The following MAP3K4 variants were observed in gnomAD, a reference collection of about 807,000 sequenced individuals.
MAP3K4 encodes the protein MAP three kinase 1.
A neutral mutation model predicts 185.6 loss-of-function variants in MAP3K4; 67 were observed. The ratio of observed to expected loss-of-function variants is 0.36; its 90% CI spans 0.30 to 0.44. The LOEUF is 0.44. Ranked by LOEUF, MAP3K4 falls within the 20% of genes least tolerant of loss-of-function variation. MAP3K4 has a pLI of 1.00. For synonymous variants in MAP3K4, 702 were observed against 710.4 expected (o/e 0.99, Z 0.19); for missense variants, 1,551 against 1,995.1 (o/e 0.78, Z 4.24).
intron 1 of MAP3K4, among the ~76,000 whole-genome samples, chr6:161,019,620 G>A (rs879134306): frequency 1.3e-5 from 2 of 152,128 alleles, no homozygotes; most frequent in Non-Finnish European, 2.9e-5. Flanking sequence ...TGTTGGCTTG[G>A]CCGGTCTTGA....
chr6:161,039,279 C>CAAAAAAAAAAAAAAA, intron 2 of MAP3K4, among the ~76,000 whole-genome samples: 1 of 71,972 alleles, frequency 1.4e-5, no homozygotes, highest in East Asian at 3.7e-4. Context: ...CGCAAAAATG[C>CAAAAAAAAAAAAAAA]AAAAAAAAAA....
rs1778063049 is a variant in MAP3K4, at chr6:161,106,201, A to G, written c.3857-313A>G. Among the ~76,000 whole-genome samples, 2 of 152,158 alleles carry G rather than the reference A, an allele frequency of 1.3e-5. No homozygotes were observed. The highest frequency in any genetic ancestry group is 4.1e-4 in the South Asian group (2 of 4,832). On this transcript the variant is annotated intron_variant, in intron 19 of 26. Coordinates refer to ENST00000392142, the MANE Select transcript of MAP3K4 (RefSeq NM_005922.4). The surrounding 1 kb of genome is among the most constrained non-coding windows in gnomAD (Gnocchi z 4.9). ...TTTATGTTTTAATAATATGGCAAAC[A>G]AGAGTGTGGAATGGAGAGAGGAGAA...
At position 161,034,413 on chromosome 6, in the gene MAP3K4, A is replaced by C. The variant is rs1350144855; in HGVS notation, c.307A>C (p.Asn103His). 15 of 1,613,820 alleles carry C rather than the reference A, an allele frequency of 9.3e-6. No homozygotes were observed. In the Admixed American group the frequency reaches 2.3e-4, roughly 25 times the overall value. The change falls in exon 2 of 27, where the codon AAT becomes CAT. Residue 103 changes from asparagine to histidine, a missense_variant. Physicochemically the swap from Asn to His is moderately conservative, Grantham distance 68. Transcript: ENST00000392142. The surrounding 1 kb of genome is among the most constrained non-coding windows in gnomAD (Gnocchi z 4.4). Reference sequence around the variant, plus strand: ...CATGTCAACCAAACATCAGAGGAATAATGTGGGGAGGCCAGCCAGTCGGTC... The same window carrying C: ...CATGTCAACCAAACATCAGAGGAATCATGTGGGGAGGCCAGCCAGTCGGTC... ...KRMSTKHQRN[N>H]VGRPASRSNL...
chr6:161,045,192 T>C (rs774006821), intron 2 of MAP3K4, among the ~76,000 whole-genome samples: 1 of 152,104 alleles, frequency 6.6e-6, no homozygotes, highest in Non-Finnish European at 1.5e-5. Context: ...TTTGTGTATA[T>C]TTTTCCAAAA....
rs1463423031 is a variant in MAP3K4 at position 161,034,467 on chromosome 6, AAAG to A, written c.343+20_343+22del. 1.2e-6 allele frequency: 2 copies of A among 1,606,868 alleles called. No homozygotes were observed. Among genetic ancestry groups the A allele is most frequent in the Admixed American group, 3.3e-5 (2 of 59,892 alleles). On this transcript the variant is annotated intron_variant, in intron 2 of 26. Coordinates refer to ENST00000392142, the MANE Select transcript of MAP3K4 (RefSeq NM_005922.4). The surrounding 1 kb of genome is among the most constrained non-coding windows in gnomAD (Gnocchi z 4.4). ...TTTGAAAGGTGAGTCTTGTACTTGA[AAAG>A]AGGTGTACATGAGAGGGTATGGCAC...
chr6:161,039,279 C>CAAAAAAAAAA (rs3050259), intron 2 of MAP3K4, among the ~76,000 whole-genome samples: 86 of 71,700 alleles, frequency 1.2e-3, no homozygotes, highest in East Asian at 2.2e-3. Context: ...CGCAAAAATG[C>CAAAAAAAAAA]AAAAAAAAAA....
chr6:161,084,427 T>C lies in MAP3K4; in HGVS notation c.2256-74T>C, dbSNP rs137906465. On this transcript the variant is annotated intron_variant, in intron 6 of 26. Transcript: ENST00000392142. This position sits in a 1 kb window ranked among gnomAD's most constrained non-coding sequence, Gnocchi z 4.6. ...TAGAGCAGTAGCTGAGCCTTTCAAGTTTCTCAGTCAAGAATTAGGCTATGA... is the reference window on the plus strand; with the variant it reads ...TAGAGCAGTAGCTGAGCCTTTCAAGCTTCTCAGTCAAGAATTAGGCTATGA... 1,121 of 759,598 alleles carry C rather than the reference T, an allele frequency of 1.5e-3. 11 individuals carry two copies. The African/African-American group carries it at 0.017, about 12-fold the overall frequency. The allele number at this position is 759,598 out of a possible 1,614,324, so 47.1% of individuals were successfully genotyped here.
At chr6:161,089,564 C>T (rs531569666) in intron 11 of MAP3K4, 93 bp downstream of exon 11, 2 of 1,380,628 alleles carry the variant, frequency 1.4e-6, no homozygotes, top group East Asian at 2.4e-5. Flanking sequence ...ATCCAAGGAA[C>T]TTGAGCTCCT....
intron 15 of MAP3K4, among the ~76,000 whole-genome samples, chr6:161,095,551 C>T (rs1166911869): frequency 6.6e-6 from 1 of 152,210 alleles, no homozygotes; most frequent in Non-Finnish European, 1.5e-5. Context: ...CAAATGCATT[C>T]TCCCTGTACC....
At position 161,076,592 on chromosome 6, in the gene MAP3K4, CATA is replaced by C. The variant is rs549013440; in HGVS notation, c.2097+2987_2097+2989del. 5.3e-5 allele frequency among the ~76,000 whole-genome samples: 8 copies of C among 152,208 alleles called. No individual in the cohort carries two copies. In the South Asian group the frequency reaches 1.7e-3, roughly 32 times the overall value. On this transcript the variant is annotated intron_variant, in intron 5 of 26. Transcript: ENST00000392142. The surrounding 1 kb of genome is among the most constrained non-coding windows in gnomAD (Gnocchi z 4.2). ...CCTCAGAAGTAACCAAGACAATAAA[CATA>C]ATAATACATGATGTAGGAACATGTG...
At position 161,037,529 on chromosome 6, in the gene MAP3K4, C is replaced by G. The variant is rs189757938; in HGVS notation, c.343+3080C>G. On this transcript the variant is annotated intron_variant, in intron 2 of 26. Transcript: ENST00000392142. The surrounding 1 kb of genome is among the most constrained non-coding windows in gnomAD (Gnocchi z 4.2). ...CGCCTCCTGGGTTCAAGCAATTCTC[C>G]TGCCTCACCCTCCCGAGTAGCTAGG... is the stretch of plus-strand genomic sequence containing the variant. Among the ~76,000 whole-genome samples, 1 of 152,286 alleles carries G rather than the reference C, an allele frequency of 6.6e-6. No individual in the cohort carries two copies. Among genetic ancestry groups the G allele is most frequent in the African/African-American group, 2.4e-5 (1 of 41,550 alleles).
chr6:161,023,606 A>G (rs573982444), intron 1 of MAP3K4, among the ~76,000 whole-genome samples: 1 of 152,354 alleles, frequency 6.6e-6, no homozygotes, highest in East Asian at 1.9e-4. Context: ...TTGTTACAAT[A>G]AATATTTCCA....
At position 161,077,499 on chromosome 6, in the gene MAP3K4, C is replaced by T. The variant is rs1785235566; in HGVS notation, c.2098-3382C>T. Reference sequence around the variant, plus strand: ...GGTGCGGTCCGCTTGGGAAAGGAGCCTGGCAAGAGCAAGGCACCGCAGGCA... The same window carrying T: ...GGTGCGGTCCGCTTGGGAAAGGAGCTTGGCAAGAGCAAGGCACCGCAGGCA... On this transcript the variant is annotated intron_variant, in intron 5 of 26. Coordinates refer to ENST00000392142, the MANE Select transcript of MAP3K4 (RefSeq NM_005922.4). The surrounding 1 kb of genome is among the most constrained non-coding windows in gnomAD (Gnocchi z 4.3). 6.6e-6 allele frequency among the ~76,000 whole-genome samples: 1 copy of T among 152,150 alleles called. No homozygotes were observed. Among genetic ancestry groups the T allele is most frequent in the African/African-American group, 2.4e-5 (1 of 41,428 alleles).
At chr6:160,993,111 C>G (rs758593340) in intron 1 of MAP3K4, among the ~76,000 whole-genome samples, 17 of 152,180 alleles carry the variant, frequency 1.1e-4, no homozygotes, top group Non-Finnish European at 1.9e-4. Context: ...GAGCCATATT[C>G]TTGCTTGTCA....
rs906215446 is a variant in MAP3K4, at chr6:160,996,109, G to T, written c.152+4026G>T. Among the ~76,000 whole-genome samples the T allele has an allele frequency of 2.0e-5, 3 of 149,926 alleles. No homozygotes were observed. Among genetic ancestry groups the T allele is most frequent in the African/African-American group, 7.5e-5 (3 of 39,858 alleles). On this transcript the variant is annotated intron_variant, in intron 1 of 26. Coordinates refer to ENST00000392142, the MANE Select transcript of MAP3K4 (RefSeq NM_005922.4). This position sits in a 1 kb window ranked among gnomAD's most constrained non-coding sequence, Gnocchi z 4.5. ...GTCCACCTTGAGCCTGTGTGTTTCA[G>T]TCTTGACCTTGTATGTCAACTGTTC...
Position 161,034,644 on chromosome 6 carries a change from C to G in MAP3K4, c.343+195C>G, listed in dbSNP as rs771387375. Among the ~76,000 whole-genome samples the G allele has an allele frequency of 6.6e-6, 1 of 151,686 alleles. No homozygotes were observed. Among genetic ancestry groups the G allele is most frequent in the African/African-American group, 2.4e-5 (1 of 41,256 alleles). On this transcript the variant is annotated intron_variant, in intron 2 of 26. Coordinates refer to ENST00000392142, the MANE Select transcript of MAP3K4 (RefSeq NM_005922.4). This position sits in a 1 kb window ranked among gnomAD's most constrained non-coding sequence, Gnocchi z 4.4. ...GTTTTCCAGAGATAGAAACGTTTGT[C>G]CTGAGTAATGGTTAAAGCCAGCAAT...
chr6:161,069,691 G>T (rs1784852748), intron 3 of MAP3K4, among the ~76,000 whole-genome samples: 1 of 152,172 alleles, frequency 6.6e-6, no homozygotes, highest in South Asian at 2.1e-4. Flanking sequence ...TAGTATAGTG[G>T]TAAGGAAGTG....
rs753455985 is a variant in MAP3K4, at chr6:161,108,794, T to C, written c.4171T>C (p.Leu1391=). The C allele has an allele frequency of 1.2e-6, 2 of 1,614,036 alleles. No individual in the cohort carries two copies. Among genetic ancestry groups the C allele is most frequent in the African/African-American group, 1.3e-5 (1 of 74,902 alleles). Residue 1391 remains leucine, a synonymous_variant, in exon 22 of 27, where the codon TTG becomes CTG. Coordinates refer to ENST00000392142, the MANE Select transcript of MAP3K4 (RefSeq NM_005922.4). The surrounding 1 kb of genome is among the most constrained non-coding windows in gnomAD (Gnocchi z 5.7). ...HKTIKETADE[L]KIFEGIKHPN... ...GACTATCAAGGAAACTGCAGACGAATTGAAAATATTCGAAGGCATCAAACA... is the reference window on the plus strand; with the variant it reads ...GACTATCAAGGAAACTGCAGACGAACTGAAAATATTCGAAGGCATCAAACA...
rs2114797221 is a variant in MAP3K4, at chr6:161,063,480, T to G, written c.1708-7128T>G. On this transcript the variant is annotated intron_variant, in intron 3 of 26. Coordinates refer to ENST00000392142, the MANE Select transcript of MAP3K4 (RefSeq NM_005922.4). This position sits in a 1 kb window ranked among gnomAD's most constrained non-coding sequence, Gnocchi z 5.4. ...AAGGAGAGAGGGAGTTAGGAAAGTGTTTGGGATTGGGGCTCTGAGTACCTT... is the reference window on the plus strand; with the variant it reads ...AAGGAGAGAGGGAGTTAGGAAAGTGGTTGGGATTGGGGCTCTGAGTACCTT... Among the ~76,000 whole-genome samples, 1 of 152,250 alleles carries G rather than the reference T, an allele frequency of 6.6e-6. No homozygotes were observed. The highest frequency in any genetic ancestry group is 2.4e-5 in the African/African-American group (1 of 41,542).
Sources: gnomAD v4.1 joint callset for allele counts (sites outside exome capture counted in the v4.1 genomes callset) on GRCh38, gnomAD v4.1.1 for gene constraint, Gnocchi (gnomAD v3.1) non-coding constraint, MANE v1.5 for transcripts, NCBI Gene and HGNC (gene_info 2026-07-23, HGNC 2026-07-21) for gene names.